Variants in TBPL2 observed in about 807,000 individuals in gnomAD.
TBPL2 encodes TATA box-binding protein-like 2.
A neutral mutation model predicts 38.2 loss-of-function variants in TBPL2; 40 were observed. The ratio of observed to expected loss-of-function variants is 1.05; its 90% CI spans 0.81 to 1.36. TBPL2 has a LOEUF of 1.36. TBPL2 is among the 40% of genes most tolerant of loss of function. The probability of loss-of-function intolerance (pLI) is 0.00; values close to 1 mark genes in which losing one functional copy is unlikely to be tolerated. For synonymous variants in TBPL2, 169 were observed against 171.7 expected, an observed-to-expected ratio of 0.98 and a Z score of 0.12; for missense variants, 461 against 456.7, an observed-to-expected ratio of 1.01 and a Z score of -0.09.
At chr14:55,418,772 C>G (rs1885703705) in intron 6 of TBPL2, among the ~76,000 whole-genome samples, 1 of 152,150 alleles carries the variant, frequency 6.6e-6, no homozygotes, top group African/African-American at 2.4e-5. Flanking sequence ...TTCCTATCAT[C>G]AGGGCAAGGC....
At chr14:55,428,350 C>T (rs959285799) in intron 5 of TBPL2, among the ~76,000 whole-genome samples, 1 of 151,916 alleles carries the variant, frequency 6.6e-6, no homozygotes, top group African/African-American at 2.4e-5. Flanking sequence ...AGGATGGTCT[C>T]GATCTCCTGA....
chr14:55,440,606 G>T lies in TBPL2; in HGVS notation c.-61C>A, dbSNP rs922478794. The T allele has an allele frequency of 1.1e-5, 17 of 1,501,064 alleles. No homozygotes were observed. The Middle Eastern group carries it at 7.5e-4, about 66-fold the overall frequency. 93.0% of individuals were successfully genotyped at this position (1,501,064 alleles called of 1,614,324 possible). A position where few individuals can be genotyped will look rare whatever the true frequency, so the allele number is the denominator to read the frequency against. On this transcript the variant is annotated 5_prime_UTR_variant, in exon 1 of 7. Coordinates refer to ENST00000247219, the Ensembl canonical transcript of TBPL2. ...CGGCCCAGGTTCCTGCAGAGGGCGC[G>T]AGAGAAGCGTTGGGCGATGGGCTTG...
chr14:55,433,060 G>A (rs1162382667), intron 4 of TBPL2, among the ~76,000 whole-genome samples: 1 of 152,128 alleles, frequency 6.6e-6, no homozygotes, highest in Non-Finnish European at 1.5e-5. Context: ...TTAGAAACAA[G>A]TTGTAGCAGC....
intron 5 of TBPL2, among the ~76,000 whole-genome samples, chr14:55,427,910 T>A (rs1043566899): frequency 7.5e-5 from 11 of 147,552 alleles, no homozygotes; most frequent in Admixed American, 2.0e-4. Flanking sequence ...AGACGGAGTC[T>A]GGCTGTGGCC....
chr14:55,420,225 A>C (rs1406013946), intron 6 of TBPL2, among the ~76,000 whole-genome samples: 4 of 152,156 alleles, frequency 2.6e-5, no homozygotes, highest in Non-Finnish European at 4.4e-5. Flanking sequence ...CACGCACCAC[A>C]ATGCCCGGCT....
At chr14:55,417,049 G>T (rs962261844) in intron 6 of TBPL2, among the ~76,000 whole-genome samples, 2 of 152,212 alleles carry the variant, frequency 1.3e-5, no homozygotes, top group Non-Finnish European at 2.9e-5. Flanking sequence ...CCCCTGGGGG[G>T]CGCCCTTTCC....
chr14:55,427,986 C>T (rs1178827906), intron 5 of TBPL2, among the ~76,000 whole-genome samples: 2 of 149,970 alleles, frequency 1.3e-5, no homozygotes, highest in Non-Finnish European at 3.0e-5. Context: ...CGCCATTCTC[C>T]TGCCTCAGCC....
chr14:55,420,098 T>C (rs892598624), intron 6 of TBPL2, among the ~76,000 whole-genome samples: 1 of 152,212 alleles, frequency 6.6e-6, no homozygotes, highest in Non-Finnish European at 1.5e-5. Context: ...TGAGACAGAC[T>C]CTTGCTCTGT....
At chr14:55,439,916 G>A (rs1373714167) in intron 1 of TBPL2, among the ~76,000 whole-genome samples, 1 of 68,596 alleles carries the variant, frequency 1.5e-5, no homozygotes, top group Non-Finnish European at 3.0e-5. Flanking sequence ...GGGTGACAGA[G>A]CGAGACTCTG....
At chr14:55,429,313 A>C (rs1380917001) in intron 4 of TBPL2, among the ~76,000 whole-genome samples, 1 of 152,216 alleles carries the variant, frequency 6.6e-6, no homozygotes, top group Non-Finnish European at 1.5e-5. Context: ...TCACCTGGGA[A>C]CTTGTTAGAA....
chr14:55,418,165 G>A (rs1371515470), intron 6 of TBPL2, among the ~76,000 whole-genome samples: 1 of 152,156 alleles, frequency 6.6e-6, no homozygotes, highest in Non-Finnish European at 1.5e-5. Flanking sequence ...CCAGCAACAT[G>A]TAATTTATTT....
chr14:55,420,165 G>A (rs1447073806), intron 6 of TBPL2, among the ~76,000 whole-genome samples: 3 of 152,210 alleles, frequency 2.0e-5, no homozygotes, highest in Admixed American at 1.3e-4. Flanking sequence ...CCGCCTCCCA[G>A]GTTCAAGCGA....
chr14:55,425,107 C>T (rs1885800980), intron 5 of TBPL2, among the ~76,000 whole-genome samples: 1 of 152,132 alleles, frequency 6.6e-6, no homozygotes, highest in South Asian at 2.1e-4. Context: ...TGAACAAGAC[C>T]CAAAAACAAC....
At chr14:55,417,198 C>T (rs562835978) in intron 6 of TBPL2, among the ~76,000 whole-genome samples, 1 of 152,166 alleles carries the variant, frequency 6.6e-6, no homozygotes, top group African/African-American at 2.4e-5. Flanking sequence ...CATACAGCAG[C>T]AGCTGTGGGA....
intron 6 of TBPL2, among the ~76,000 whole-genome samples, chr14:55,420,844 G>A (rs2140166066): frequency 6.6e-6 from 1 of 152,150 alleles, no homozygotes; most frequent in Admixed American, 6.5e-5. Flanking sequence ...TGGATCACGA[G>A]GTCAGGAGAT....
chr14:55,420,336 G>A (rs1885723910), intron 6 of TBPL2, among the ~76,000 whole-genome samples: 1 of 152,152 alleles, frequency 6.6e-6, no homozygotes, highest in Admixed American at 6.5e-5. Flanking sequence ...TGAGCACAAC[G>A]CCTAGCCAGG....
chr14:55,428,117 A>ATTTTTTT (rs1420262023), intron 5 of TBPL2, among the ~76,000 whole-genome samples: 6 of 48,330 alleles, frequency 1.2e-4, no homozygotes, highest in East Asian at 8.5e-4. Flanking sequence ...CACATGCCTT[A>ATTTTTTT]TCTTTTTTTT....
exon 6 of TBPL2, chr14:55,424,198 C>T: frequency 6.2e-7 from 1 of 1,613,434 alleles, no homozygotes; most frequent in Non-Finnish European, 8.5e-7. Context: ...ATAAGCAACA[C>T]AATTCGTGGT....
In TBPL2 at chr14:55,432,186, C is replaced by A. The variant is rs950652730; in HGVS notation, c.788+1444G>T. Among the ~76,000 whole-genome samples, 4 of 149,384 alleles carry A rather than the reference C, an allele frequency of 2.7e-5. No homozygotes were observed. The Admixed American group carries it at 2.7e-4, about 10-fold the overall frequency. On this transcript the variant is annotated intron_variant, in intron 4 of 6. Coordinates refer to ENST00000247219, the Ensembl canonical transcript of TBPL2. ...ACTTTGGGAGACCAAGGTGGGAGGA[C>A]TACTTGAGCCCAGGAGTTCGAGACC...
Sources: allele counts gnomAD v4.1 joint callset (sites outside exome capture counted in the v4.1 genomes callset), GRCh38; gene constraint gnomAD v4.1.1; transcripts MANE v1.5; gene names NCBI Gene and HGNC (gene_info 2026-07-23, HGNC 2026-07-21).